DOCK2: variants seen among roughly 807,000 people sequenced by gnomAD.
DOCK2 encodes dedicator of cytokinesis protein 2.
A neutral mutation model predicts 248.9 loss-of-function variants in DOCK2; 87 were observed. The ratio of observed to expected loss-of-function variants is 0.35; its 90% CI spans 0.29 to 0.42. DOCK2 has a LOEUF of 0.42. Among genes scored for constraint, DOCK2 ranks in the 10% least tolerant of loss-of-function variants. DOCK2 has a pLI of 1.00. For synonymous variants in DOCK2, 805 were observed against 821.6 expected, an observed-to-expected ratio of 0.98 and a Z score of 0.35; for missense variants, 1,747 against 2,300.2, an observed-to-expected ratio of 0.76 and a Z score of 4.92.
chr5:169,935,320 T>C (rs899409673), intron 27 of DOCK2, among the ~76,000 whole-genome samples: 26 of 152,316 alleles, frequency 1.7e-4, no homozygotes, highest in African/African-American at 5.8e-4. Flanking sequence ...TCATCTCCCA[T>C]GCCTGTGTAG....
chr5:170,012,635 G>A (rs957077971), intron 32 of DOCK2, among the ~76,000 whole-genome samples: 9 of 152,180 alleles, frequency 5.9e-5, no homozygotes, highest in African/African-American at 2.2e-4. Flanking sequence ...GACAACATGT[G>A]GTTAAGGAGC....
intron 33 of DOCK2, among the ~76,000 whole-genome samples, chr5:170,024,476 G>A (rs1386622953): frequency 6.8e-6 from 1 of 146,938 alleles, no homozygotes; most frequent in East Asian, 2.0e-4. Flanking sequence ...CTTGGCTGTT[G>A]TAAAGATTAA....
chr5:170,072,394 T>G (rs1757705986), intron 46 of DOCK2, among the ~76,000 whole-genome samples: 1 of 152,238 alleles, frequency 6.6e-6, no homozygotes, highest in African/African-American at 2.4e-5. Flanking sequence ...CTATTGTATG[T>G]GTATCTAAAT....
intron 17 of DOCK2, among the ~76,000 whole-genome samples, chr5:169,712,636 G>A (rs769029015): frequency 2.0e-5 from 3 of 152,080 alleles, no homozygotes; most frequent in Non-Finnish European, 2.9e-5. Context: ...AAAACCTGCA[G>A]TCCTGATCCT....
intron 44 of DOCK2, among the ~76,000 whole-genome samples, chr5:170,059,886 T>C (rs967590441): frequency 2.6e-5 from 4 of 152,210 alleles, no homozygotes; most frequent in Admixed American, 6.5e-5. Context: ...ATAGATGGCA[T>C]TGGGGAAACC....
At chr5:169,937,387 TGG>T in intron 27 of DOCK2, among the ~76,000 whole-genome samples, 1 of 152,344 alleles carries the variant, frequency 6.6e-6, no homozygotes, top group East Asian at 1.9e-4. Flanking sequence ...CCCACATCCC[TGG>T]CCTATGATTT....
intron 27 of DOCK2, among the ~76,000 whole-genome samples, chr5:169,944,722 C>G (rs1336906763): frequency 6.6e-6 from 1 of 152,326 alleles, no homozygotes; most frequent in Non-Finnish European, 1.5e-5. Context: ...TGTGGTGGCT[C>G]TCACCAGTGC....
At chr5:169,885,353 T>C (rs1014283685) in intron 27 of DOCK2, among the ~76,000 whole-genome samples, 1 of 152,202 alleles carries the variant, frequency 6.6e-6, no homozygotes, top group African/African-American at 2.4e-5. Flanking sequence ...GCAGAATTTG[T>C]TGAAAAAGTG....
chr5:169,932,437 G>T (rs1005823641), intron 27 of DOCK2, among the ~76,000 whole-genome samples: 3 of 152,206 alleles, frequency 2.0e-5, no homozygotes, highest in Non-Finnish European at 2.9e-5. Context: ...GATGGCAGCT[G>T]CCATGTGGCA....
At chr5:169,923,096 AG>A (rs1299755302) in intron 27 of DOCK2, among the ~76,000 whole-genome samples, 1 of 152,206 alleles carries the variant, frequency 6.6e-6, no homozygotes, top group African/African-American at 2.4e-5. Context: ...TCATGGAACC[AG>A]GATTGTGCCT....
rs56270722 is a variant in DOCK2, at chr5:169,887,725, T to G, written c.2799+46873T>G. Among the ~76,000 whole-genome samples, 5 of 152,210 alleles carry G rather than the reference T, an allele frequency of 3.3e-5. No individual in the cohort carries two copies. The South Asian group carries it at 6.2e-4, about 19-fold the overall frequency. On this transcript the variant is annotated intron_variant, in intron 27 of 51. Coordinates refer to ENST00000520908, the MANE Select transcript of DOCK2 (RefSeq NM_004946.3). The stretch of plus-strand genomic sequence containing the variant: ...TCTTGGAGCTCTTGTCTAATTATCT[T>G]CTTGAAATAAATGCCTAGAAGAAGA...
chr5:169,836,106 A>G (rs1769567851), intron 26 of DOCK2, among the ~76,000 whole-genome samples: 1 of 152,210 alleles, frequency 6.6e-6, no homozygotes, highest in Admixed American at 6.5e-5. Flanking sequence ...ATATACACTT[A>G]TAACTTTGAT....
intron 32 of DOCK2, among the ~76,000 whole-genome samples, chr5:170,014,098 G>A (rs376655400): frequency 1.3e-5 from 2 of 152,170 alleles, no homozygotes; most frequent in African/African-American, 4.8e-5. Context: ...AGGAAAGACA[G>A]GGAAAGGGCA....
At chr5:169,716,728 A>G (rs1761932047) in intron 20 of DOCK2, among the ~76,000 whole-genome samples, 5 of 152,072 alleles carry the variant, frequency 3.3e-5, no homozygotes. Flanking sequence ...CCCACCCAGA[A>G]CTTTTCATGA....
intron 1 of DOCK2, among the ~76,000 whole-genome samples, chr5:169,652,556 C>T (rs911485671): frequency 6.6e-6 from 1 of 152,188 alleles, no homozygotes; most frequent in Non-Finnish European, 1.5e-5. Flanking sequence ...TCCTAAAAAC[C>T]CTGCGAGATA....
At chr5:170,057,477 G>A (rs1471777291) in intron 43 of DOCK2, 103 bp from the exon 44 acceptor site, 4 of 917,150 alleles carry the variant, frequency 4.4e-6, no homozygotes, top group Non-Finnish European at 7.1e-6. Context: ...TAGATGGGAG[G>A]CCCGGGGACC....
chr5:169,901,648 A>T (rs1182091344), intron 27 of DOCK2, among the ~76,000 whole-genome samples: 4 of 152,226 alleles, frequency 2.6e-5, no homozygotes, highest in African/African-American at 9.6e-5. Context: ...ACTCAAAAAC[A>T]CTGAGTATTA....
chr5:169,739,864 A>T (rs889648941), intron 22 of DOCK2, among the ~76,000 whole-genome samples: 1 of 152,222 alleles, frequency 6.6e-6, no homozygotes, highest in African/African-American at 2.4e-5. Flanking sequence ...AGATGATGTA[A>T]TCTATATATT....
chr5:169,976,641 G>C (rs1777727485), intron 27 of DOCK2, among the ~76,000 whole-genome samples: 2 of 152,138 alleles, frequency 1.3e-5, no homozygotes, highest in Admixed American at 1.3e-4. Flanking sequence ...ACAAGCACAG[G>C]CTCCAACCAG....
Sources: allele counts gnomAD v4.1 joint callset (sites outside exome capture counted in the v4.1 genomes callset), GRCh38; gene constraint gnomAD v4.1.1; transcripts MANE v1.5; gene names NCBI Gene and HGNC (gene_info 2026-07-23, HGNC 2026-07-21).